SNTA1: variants seen among roughly 807,000 people sequenced by gnomAD.
The protein encoded by SNTA1 is alpha-1-syntrophin.
A neutral mutation model predicts 47.1 loss-of-function variants in SNTA1; 31 were observed. The ratio of observed to expected loss-of-function variants is 0.66; its 90% CI spans 0.49 to 0.89. The LOEUF (loss-of-function observed/expected upper bound fraction) is 0.89. Ranked by LOEUF, SNTA1 falls within the 40% of genes least tolerant of loss-of-function variation. The pLI, the probability that SNTA1 is intolerant of heterozygous loss-of-function variation, is 0.00. For missense variants in SNTA1, 575 were observed against 693.0 expected (o/e 0.83, Z 1.91); for synonymous variants, 300 against 313.6 (o/e 0.96, Z 0.46).
chr20:33,428,850 G>A (rs1454108119), intron 2 of SNTA1, among the ~76,000 whole-genome samples: 1 of 151,818 alleles, frequency 6.6e-6, no homozygotes, highest in East Asian at 1.9e-4. Context: ...AAACCAGCCT[G>A]ACCAAGATGG....
rs1989768283 is a variant in SNTA1, at chr20:33,412,627, G to A, written c.857C>T (p.Thr286Ile). 2 of 1,614,010 alleles carry A rather than the reference G, an allele frequency of 1.2e-6. No individual in the cohort carries two copies. The highest frequency in any genetic ancestry group is 8.5e-7 in the Non-Finnish European group (1 of 1,180,022). Reference sequence around the variant, plus strand: ...GATGTCCTGGCTCCCAGCTGTGCTGGTGGCTGCCAACAGTGCCTGCAGCTC... The same window carrying A: ...GATGTCCTGGCTCCCAGCTGTGCTGATGGCTGCCAACAGTGCCTGCAGCTC... Reference protein sequence around the residue: ...KDELQALLAATSTAGSQDIKQ... With the variant: ...KDELQALLAAISTAGSQDIKQ... Residue 286 changes from threonine (T) to isoleucine (I), a missense_variant, in exon 4 of 8, where the codon ACC (threonine) becomes ATC (isoleucine). Coordinates refer to ENST00000217381, the MANE Select transcript of SNTA1 (RefSeq NM_003098.3).
chr20:33,418,257 CTT>C (rs34434208), intron 2 of SNTA1, among the ~76,000 whole-genome samples: 549 of 129,644 alleles, frequency 4.2e-3, no homozygotes, highest in African/African-American at 0.012. Flanking sequence ...GGCCATGTGA[CTT>C]TTTTTTTTTT....
intron 2 of SNTA1, among the ~76,000 whole-genome samples, chr20:33,429,843 T>TCCTCCAC: frequency 6.6e-6 from 1 of 152,030 alleles, no homozygotes; most frequent in Admixed American, 6.6e-5. Flanking sequence ...GCTCACTCCA[T>TCCTCCAC]CCTCCACATC....
intron 2 of SNTA1, among the ~76,000 whole-genome samples, chr20:33,435,109 G>C (rs1990408588): frequency 6.8e-6 from 1 of 146,298 alleles, no homozygotes; most frequent in Admixed American, 7.2e-5. Context: ...TCCTACCTCA[G>C]CCTCCTGAGT....
intron 1 of SNTA1, 152 bp from the exon 2 acceptor site, chr20:33,439,178 T>G: frequency 2.7e-6 from 2 of 744,244 alleles, no homozygotes; most frequent in Non-Finnish European, 4.7e-6. Context: ...GAGAAAAATC[T>G]TGGAAGTTTG....
At chr20:33,432,191 G>A (rs1414799494) in intron 2 of SNTA1, among the ~76,000 whole-genome samples, 2 of 152,166 alleles carry the variant, frequency 1.3e-5, no homozygotes, top group Admixed American at 6.6e-5. Context: ...GAAACAGGGT[G>A]GCCCCAAATT....
rs1477839619 is a variant in SNTA1, at chr20:33,443,479, C to T, written c.142G>A (p.Asp48Asn). The T allele has an allele frequency of 2.9e-6, 4 of 1,378,170 alleles. No individual in the cohort carries two copies. The highest frequency in any genetic ancestry group is 3.8e-6 in the Non-Finnish European group (4 of 1,061,210). The allele number at this position is 1,378,170 out of a possible 1,614,324, so 85.4% of individuals were successfully genotyped here. The change falls in exon 1 of 8, where the codon GAC (aspartate) becomes AAC (asparagine). Residue 48 changes from aspartate (D) to asparagine (N), a missense_variant. Physicochemically the swap from Asp to Asn is conservative, Grantham distance 23. Coordinates refer to ENST00000217381, the MANE Select transcript of SNTA1 (RefSeq NM_003098.3). ...DVLTVSPADG[D>N]PGPEPGAPRE... ...GGAGCGCCGGGCTCGGGACCAGGGT[C>T]GCCGTCGGCGGGGCTCACGGTCAGC...
rs930437100 is a variant in SNTA1 at position 33,443,690 on chromosome 20, G to T, written c.-70C>A. The stretch of plus-strand genomic sequence containing the variant: ...TTTGCCCAGCCCGCTCCGACCAAGC[G>T]CCCAGGGCAGAGGGCAGCGGGGGCC... On this transcript the variant is annotated 5_prime_UTR_variant, in exon 1 of 8. Transcript: ENST00000217381. 1 of 1,018,374 alleles carries T rather than the reference G, an allele frequency of 9.8e-7. No homozygotes were observed. Among genetic ancestry groups the T allele is most frequent in the Non-Finnish European group, 1.2e-6 (1 of 820,598 alleles). 63.1% of individuals were successfully genotyped at this position (1,018,374 alleles called of 1,614,324 possible).
In SNTA1 at chr20:33,443,712, G is replaced by C. The variant is rs1018674417; in HGVS notation, c.-92C>G. On this transcript the variant is annotated 5_prime_UTR_variant, in exon 1 of 8. Coordinates refer to ENST00000217381, the MANE Select transcript of SNTA1 (RefSeq NM_003098.3). Reference sequence around the variant, plus strand: ...AGCGCCCAGGGCAGAGGGCAGCGGGGGCCCGGCTGGGCCAGCCGCCACCCT... The same window carrying C: ...AGCGCCCAGGGCAGAGGGCAGCGGGCGCCCGGCTGGGCCAGCCGCCACCCT... The C allele has an allele frequency of 1.3e-6, 1 of 782,508 alleles. No homozygotes were observed. The highest frequency in any genetic ancestry group is 1.6e-6 in the Non-Finnish European group (1 of 612,940). The allele number at this position is 782,508 out of a possible 1,614,324, so 48.5% of individuals were successfully genotyped here.
At chr20:33,423,550 G>T (rs947692371) in intron 2 of SNTA1, among the ~76,000 whole-genome samples, 1 of 152,184 alleles carries the variant, frequency 6.6e-6, no homozygotes, top group African/African-American at 2.4e-5. Context: ...GGGAAGCTGA[G>T]GCACCTATAA....
At chr20:33,441,749 T>C (rs1353960121) in intron 1 of SNTA1, among the ~76,000 whole-genome samples, 2 of 152,148 alleles carry the variant, frequency 1.3e-5, no homozygotes, top group African/African-American at 4.8e-5. Flanking sequence ...GGAGTAACTT[T>C]GTGTGACCTT....
intron 3 of SNTA1, 141 bp downstream of exon 3, chr20:33,417,578 C>A: frequency 1.5e-6 from 1 of 683,812 alleles, no homozygotes; most frequent in Non-Finnish European, 2.6e-6. Context: ...CTCAGGCTTC[C>A]AGTCAATCTA....
intron 2 of SNTA1, among the ~76,000 whole-genome samples, chr20:33,424,230 C>T (rs1427593048): frequency 6.7e-6 from 1 of 149,512 alleles, no homozygotes; most frequent in African/African-American, 2.5e-5. Flanking sequence ...AGGAGAGTGG[C>T]TTGAACGTGG....
intron 2 of SNTA1, among the ~76,000 whole-genome samples, chr20:33,428,583 T>C (rs1163477141): frequency 1.3e-5 from 2 of 152,046 alleles, no homozygotes; most frequent in African/African-American, 4.8e-5. Context: ...TGGTAATTTT[T>C]TTTTTTTAAG....
At chr20:33,423,695 G>A (rs115237830) in intron 2 of SNTA1, among the ~76,000 whole-genome samples, 1 of 152,188 alleles carries the variant, frequency 6.6e-6, no homozygotes, top group Non-Finnish European at 1.5e-5. Flanking sequence ...CACTCATCAG[G>A]CCCAGTATAA....
intron 2 of SNTA1, among the ~76,000 whole-genome samples, chr20:33,424,417 T>C (rs1449219245): frequency 6.6e-6 from 1 of 151,864 alleles, no homozygotes; most frequent in Non-Finnish European, 1.5e-5. Flanking sequence ...CTCACACCTG[T>C]AATCCCAGGA....
chr20:33,443,270 C>T (rs1285098100), intron 1 of SNTA1, 41 bp downstream of exon 1: 2 of 1,462,260 alleles, frequency 1.4e-6, no homozygotes, highest in African/African-American at 1.5e-5. Flanking sequence ...TCGGCTGCCC[C>T]CAGACACCAC....
chr20:33,414,006 A>G (rs756473793), intron 3 of SNTA1, among the ~76,000 whole-genome samples: 10 of 152,028 alleles, frequency 6.6e-5, no homozygotes, highest in Non-Finnish European at 1.3e-4. Flanking sequence ...TGGGAAGCCA[A>G]AGCGGGTGGA....
At chr20:33,422,213 G>A (rs1043754404) in intron 2 of SNTA1, among the ~76,000 whole-genome samples, 2 of 151,778 alleles carry the variant, frequency 1.3e-5, no homozygotes, top group Non-Finnish European at 2.9e-5. Flanking sequence ...GGCCGAGGCG[G>A]GTGGATCACG....
Sources: gnomAD v4.1 joint callset for allele counts (sites outside exome capture counted in the v4.1 genomes callset) on GRCh38, gnomAD v4.1.1 for gene constraint, MANE v1.5 for transcripts, NCBI Gene and HGNC (gene_info 2026-07-23, HGNC 2026-07-21) for gene names.